The following SNURF variants were observed in gnomAD, a reference collection of about 807,000 sequenced individuals.
The protein encoded by SNURF is SNRPN upstream open reading frame.
SNURF carries 6 observed loss-of-function variants against 11.6 expected under a neutral mutation model. The observed-to-expected ratio is 0.52, with a 90% CI of 0.28 to 1.02. The LOEUF is 1.02. Among genes scored for constraint, SNURF ranks in the 50% least tolerant of loss-of-function variants. SNURF has a pLI of 0.09. For synonymous variants in SNURF, 29 were observed against 31.6 expected (o/e 0.92, Z 0.27); for missense variants, 84 against 88.4 (o/e 0.95, Z 0.20).
intron 1 of SNURF, among the ~76,000 whole-genome samples, chr15:24,956,958 C>T (rs1445276508): frequency 1.3e-5 from 2 of 152,208 alleles, no homozygotes; most frequent in African/African-American, 2.4e-5. Flanking sequence ...AGCAAGCCTC[C>T]ATTAATGATA....
chr15:24,967,859 G>C, intron 2 of SNURF, 73 bp from the exon 3 acceptor site: 1 of 1,132,928 alleles, frequency 8.8e-7, no homozygotes, highest in Non-Finnish European at 1.3e-6. Flanking sequence ...AGGGTACCTA[G>C]TTTTCTTTCA....
At chr15:24,965,585 C>T (rs1264817260) in intron 2 of SNURF, among the ~76,000 whole-genome samples, 1 of 152,102 alleles carries the variant, frequency 6.6e-6, no homozygotes, top group Non-Finnish European at 1.5e-5. Flanking sequence ...ATTTTTTATT[C>T]TGTCTTTCAG....
intron 2 of SNURF, among the ~76,000 whole-genome samples, chr15:24,963,772 C>T (rs1435656250): frequency 1.3e-5 from 2 of 151,970 alleles, no homozygotes; most frequent in East Asian, 3.9e-4. Context: ...GATGTGGTGG[C>T]TCATGCCTCT....
At chr15:24,964,023 TC>T (rs2075254693) in intron 2 of SNURF, among the ~76,000 whole-genome samples, 1 of 152,064 alleles carries the variant, frequency 6.6e-6, no homozygotes, top group African/African-American at 2.4e-5. Context: ...CAGAATGAGA[TC>T]TAGTCTCAAA....
chr15:24,974,653 C>T (rs2076856841), intron 3 of SNURF: 2 of 647,928 alleles, frequency 3.1e-6, no homozygotes, highest in East Asian at 2.7e-5. Context: ...CGGGGTCTTG[C>T]TCTGTCTCCC....
At chr15:24,976,438 A>G in intron 5 of SNURF, 1 of 1,496,168 alleles carries the variant, frequency 6.7e-7, no homozygotes, top group Non-Finnish European at 9.3e-7. Context: ...GTAGGGCAGG[A>G]CAGAACTTTA....
rs1298416259 is a variant in SNURF, at chr15:24,975,311, C to T, written c.*46-47C>T. ...GAAGAAACAGGAGAAGATTAGAAGA[C>T]TAGGGTGTTGGCAAGCTGAACATGA... On this transcript the variant is annotated intron_variant and NMD_transcript_variant, in intron 3 of 6. Transcript: ENST00000580062. 3 of 1,532,934 alleles carry T rather than the reference C, an allele frequency of 2.0e-6. No individual in the cohort carries two copies. The East Asian group carries it at 6.8e-5, about 35-fold the overall frequency. 95.0% of individuals were successfully genotyped at this position (1,532,934 alleles called of 1,614,324 possible). A position where few individuals can be genotyped will look rare whatever the true frequency, so the allele number is the denominator to read the frequency against.
In SNURF at chr15:24,976,240, T is replaced by C. The variant is rs2077045875; in HGVS notation, c.*198-65T>C. 4.9e-6 allele frequency: 6 copies of C among 1,226,448 alleles called. No individual in the cohort carries two copies. In the African/African-American group the frequency reaches 5.9e-5, roughly 12 times the overall value. 76.0% of individuals were successfully genotyped at this position (1,226,448 alleles called of 1,614,324 possible). On this transcript the variant is annotated intron_variant and NMD_transcript_variant, in intron 4 of 6. Coordinates refer to the SNURF transcript ENST00000580062. ...GTCTTAATTGATACTTGAGGTTGTATAAATATTTTGATGAGTGAGTGATCA... is the reference window on the plus strand; with the variant it reads ...GTCTTAATTGATACTTGAGGTTGTACAAATATTTTGATGAGTGAGTGATCA...
downstream of SNURF, chr15:24,968,650 G>C (rs982150176): frequency 2.6e-5 from 4 of 152,526 alleles, no homozygotes; most frequent in African/African-American, 9.7e-5. Context: ...GTTTATGTCA[G>C]TGAATTATAA....
At chr15:24,971,686 T>C (rs145481992), downstream of SNURF, among the ~76,000 whole-genome samples, 353 of 152,304 alleles carry the variant, frequency 2.3e-3, no homozygotes, top group African/African-American at 8.2e-3. Context: ...TCAAGGTCAT[T>C]GCCAAGGTCT....
chr15:24,958,674 G>A (rs1409043644), intron 1 of SNURF: 1 of 151,742 alleles, frequency 6.6e-6, no homozygotes, highest in African/African-American at 2.4e-5. Flanking sequence ...GAGGCAATGA[G>A]GTTTCTTATA....
chr15:24,955,620 G>A (rs896334119), intron 1 of SNURF, among the ~76,000 whole-genome samples: 9 of 148,348 alleles, frequency 6.1e-5, no homozygotes, highest in East Asian at 2.0e-4. Flanking sequence ...GGAATTCGTC[G>A]CAGTGACCGA....
At chr15:24,967,359 C>T (rs1176379486) in intron 2 of SNURF, 3 of 154,918 alleles carry the variant, frequency 1.9e-5, no homozygotes, top group African/African-American at 7.3e-5. Context: ...GATCTTCTTC[C>T]CTGGGCGTGG....
intron 2 of SNURF, among the ~76,000 whole-genome samples, chr15:24,964,598 T>C (rs2153526864): frequency 6.6e-6 from 1 of 152,198 alleles, no homozygotes; most frequent in East Asian, 1.9e-4. Context: ...GCGCCCAGCC[T>C]CTCCCTTCAT....
chr15:24,965,118 G>A (rs965313579), intron 2 of SNURF, among the ~76,000 whole-genome samples: 2 of 152,130 alleles, frequency 1.3e-5, no homozygotes, highest in East Asian at 1.9e-4. Context: ...CTCAGGATTG[G>A]TATACTTAGA....
At chr15:24,972,873 G>A (rs941298216), downstream of SNURF, among the ~76,000 whole-genome samples, 1 of 151,866 alleles carries the variant, frequency 6.6e-6, no homozygotes, top group Admixed American at 6.6e-5. Flanking sequence ...TTTTCATTGT[G>A]CCTTCTCTCT....
intron 1 of SNURF, among the ~76,000 whole-genome samples, chr15:24,957,121 C>T (rs1035126703): frequency 5.3e-5 from 8 of 152,150 alleles, no homozygotes; most frequent in African/African-American, 1.9e-4. Flanking sequence ...GATTTCCATT[C>T]GACACATTTA....
intron 1 of SNURF, among the ~76,000 whole-genome samples, 198 bp downstream of exon 1, chr15:24,955,260 G>A (rs1338432559): frequency 1.3e-5 from 2 of 152,044 alleles, no homozygotes; most frequent in Non-Finnish European, 2.9e-5. Context: ...TATCCTGTCC[G>A]CTCGCATTGG....
chr15:24,965,176 C>T (rs1453775729), intron 2 of SNURF, among the ~76,000 whole-genome samples: 1 of 152,160 alleles, frequency 6.6e-6, no homozygotes, highest in Non-Finnish European at 1.5e-5. Context: ...CTCCTACTTC[C>T]TACCAAATCA....
Sources: allele counts gnomAD v4.1 joint callset (sites outside exome capture counted in the v4.1 genomes callset), GRCh38; gene constraint gnomAD v4.1.1; transcripts MANE v1.5; gene names NCBI Gene and HGNC (gene_info 2026-07-23, HGNC 2026-07-21).